The following CFAP95 variants were observed in gnomAD, a reference collection of about 807,000 sequenced individuals.
CFAP95 encodes cilia and flagella associated protein 95, also known as cilia- and flagella-associated protein 95.
At chr9:69,903,387 C>T in the CFAP95 span, among the ~76,000 whole-genome samples, 1 of 152,208 alleles carries the variant, frequency 6.6e-6, no homozygotes, top group African/African-American at 2.4e-5. Flanking sequence ...GATTCTGCTC[C>T]TAGACCTGGG....
At chr9:69,821,342 A>C in the CFAP95 span, among the ~76,000 whole-genome samples, 1 of 152,126 alleles carries the variant, frequency 6.6e-6, no homozygotes, top group African/African-American at 2.4e-5. Context: ...AGAGGAGGAA[A>C]TAGGAGAGCC....
chr9:69,852,921 A>G, the CFAP95 span, among the ~76,000 whole-genome samples: 1 of 152,126 alleles, frequency 6.6e-6, no homozygotes. Flanking sequence ...GTAAGATGTG[A>G]CTTGCTCCTC....
chr9:69,887,694 A>G, the CFAP95 span, among the ~76,000 whole-genome samples: 1 of 152,208 alleles, frequency 6.6e-6, no homozygotes, highest in Admixed American at 6.5e-5. Context: ...GGCACAAGCC[A>G]CTCACCATTG....
At chr9:69,826,539 T>G in the CFAP95 span, among the ~76,000 whole-genome samples, 1 of 152,216 alleles carries the variant, frequency 6.6e-6, no homozygotes, top group African/African-American at 2.4e-5. Context: ...TGCTGCAGCC[T>G]GTCTTTTTGC....
chr9:69,823,962 A>G, the CFAP95 span, among the ~76,000 whole-genome samples: 1 of 152,088 alleles, frequency 6.6e-6, no homozygotes, highest in African/African-American at 2.4e-5. Context: ...TAAGGCAGGA[A>G]CTGGCCATCT....
At chr9:69,886,531 GA>G in the CFAP95 span, among the ~76,000 whole-genome samples, 4 of 152,298 alleles carry the variant, frequency 2.6e-5, no homozygotes, top group East Asian at 7.7e-4. Context: ...TAGAAAACGT[GA>G]ACAGAAATGT....
the CFAP95 span, among the ~76,000 whole-genome samples, chr9:69,828,692 AAAAAT>A: frequency 1.3e-5 from 2 of 152,218 alleles, no homozygotes; most frequent in African/African-American, 4.8e-5. Context: ...CCTGTTTCCA[AAAAAT>A]AAAATAAAAT....
At chr9:69,852,990 A>C in the CFAP95 span, among the ~76,000 whole-genome samples, 1 of 152,194 alleles carries the variant, frequency 6.6e-6, no homozygotes, top group South Asian at 2.1e-4. Flanking sequence ...AAATCCATTA[A>C]ACCTCTTTCT....
chr9:69,884,256 G>T, the CFAP95 span: 1 of 152,116 alleles, frequency 6.6e-6, no homozygotes, highest in East Asian at 1.9e-4. Context: ...AGATATAAAA[G>T]CAGGTAGCTG....
chr9:69,853,825 A>G, the CFAP95 span, among the ~76,000 whole-genome samples: 1 of 152,186 alleles, frequency 6.6e-6, no homozygotes, highest in Admixed American at 6.5e-5. Flanking sequence ...AATTCCTTCC[A>G]GTTTTCTGCT....
the CFAP95 span, among the ~76,000 whole-genome samples, chr9:69,859,370 T>G: frequency 3.9e-5 from 6 of 152,320 alleles, no homozygotes; most frequent in South Asian, 1.2e-3. Flanking sequence ...ATGACTTCAG[T>G]ATCTTCTCTT....
chr9:69,891,879 T>C, the CFAP95 span, among the ~76,000 whole-genome samples: 1 of 152,172 alleles, frequency 6.6e-6, no homozygotes, highest in African/African-American at 2.4e-5. Flanking sequence ...CACACAGTGT[T>C]CTTTTTTTAA....
At chr9:69,905,227 T>C in the CFAP95 span, among the ~76,000 whole-genome samples, 4 of 152,326 alleles carry the variant, frequency 2.6e-5, no homozygotes, top group East Asian at 7.7e-4. Context: ...TTCATTGTTT[T>C]ATAGCTTTGG....
chr9:69,868,040 A>G, the CFAP95 span, among the ~76,000 whole-genome samples: 1 of 152,196 alleles, frequency 6.6e-6, no homozygotes, highest in African/African-American at 2.4e-5. Context: ...TCTTAATACC[A>G]TGCTTATATG....
chr9:69,902,952 C>G, the CFAP95 span, among the ~76,000 whole-genome samples: 1 of 152,138 alleles, frequency 6.6e-6, no homozygotes. Context: ...CCAAGTACCT[C>G]AGTGTTCCAA....
the CFAP95 span, chr9:69,905,841 G>A: frequency 7.5e-6 from 6 of 797,734 alleles, no homozygotes; most frequent in South Asian, 1.4e-4. Flanking sequence ...TTAATCAATT[G>A]TTAAAAATTA....
At chr9:69,839,519 C>T in the CFAP95 span, among the ~76,000 whole-genome samples, 2 of 151,990 alleles carry the variant, frequency 1.3e-5, no homozygotes, top group African/African-American at 2.4e-5. Flanking sequence ...CTCTGCTTCC[C>T]GGGTTCAAGC....
At chr9:69,894,021 G>A in the CFAP95 span, among the ~76,000 whole-genome samples, 1 of 152,288 alleles carries the variant, frequency 6.6e-6, no homozygotes, top group East Asian at 1.9e-4. Flanking sequence ...TATAATCCCT[G>A]CCAGAGTGTC....
the CFAP95 span, among the ~76,000 whole-genome samples, chr9:69,828,787 G>A: frequency 6.6e-6 from 1 of 152,180 alleles, no homozygotes; most frequent in East Asian, 1.9e-4. Flanking sequence ...ACTGGATGGT[G>A]CATTTATGGA....
Sources: gnomAD v4.1 joint callset for allele counts (sites outside exome capture counted in the v4.1 genomes callset) on GRCh38, gnomAD v4.1.1 for gene constraint, MANE v1.5 for transcripts, NCBI Gene and HGNC (gene_info 2026-07-23, HGNC 2026-07-21) for gene names.